ULK2: variants seen among roughly 807,000 people sequenced by gnomAD.
The protein encoded by ULK2 is serine/threonine-protein kinase ULK2.
Under a neutral mutation model 127.5 loss-of-function variants are expected in ULK2, and 76 were observed. The ratio of observed to expected loss-of-function variants is 0.60; its 90% CI spans 0.50 to 0.72. The LOEUF (loss-of-function observed/expected upper bound fraction) is 0.72, where lower values mean the gene tolerates loss of function less well. Among genes scored for constraint, ULK2 ranks in the 30% least tolerant of loss-of-function variants. The probability of loss-of-function intolerance (pLI) is 0.00; values close to 1 mark genes in which losing one functional copy is unlikely to be tolerated. For synonymous variants in ULK2, 452 were observed against 461.9 expected (o/e 0.98, Z 0.28); for missense variants, 1,144 against 1,295.9 (o/e 0.88, Z 1.80).
chr17:19,860,471 T>C (rs1406031874), intron 3 of ULK2, among the ~76,000 whole-genome samples: 3 of 152,086 alleles, frequency 2.0e-5, no homozygotes, highest in African/African-American at 7.2e-5. Context: ...TATAAAGTAT[T>C]AGGTCAAAAC....
At chr17:19,781,207 T>C (rs866343913) in intron 23 of ULK2, 103 bp from the exon 24 acceptor site, 63 of 780,142 alleles carry the variant, frequency 8.1e-5, no homozygotes, top group Middle Eastern at 5.2e-4. Context: ...TATAAAGGAA[T>C]AGCATCCTCT....
Position 19,777,644 on chromosome 17 carries a change from G to A in ULK2, c.2989C>T (p.Leu997Phe), listed in dbSNP as rs1462334301. 2 of 1,613,980 alleles carry A rather than the reference G, an allele frequency of 1.2e-6. No individual in the cohort carries two copies. The highest frequency in any genetic ancestry group is 1.3e-5 in the African/African-American group (1 of 74,928). ...DIVYRYHKAA[L>F]LLEGLSRILQ... ...ATCCTACTTAGGCCTTCCAAAAGAA[G>A]GGCTGCCTTATGATAGCGATAAACA... is the stretch of plus-strand genomic sequence containing the variant. Residue 997 changes from leucine to phenylalanine, a missense_variant, in exon 26 of 27, where the codon CTT becomes TTT. This residue lies in a region of ULK2 where 913 missense variants were observed against 970.5 expected (regional missense o/e 0.94). Coordinates refer to ENST00000395544, the MANE Select transcript of ULK2 (RefSeq NM_014683.4).
intron 18 of ULK2, among the ~76,000 whole-genome samples, 158 bp downstream of exon 18, chr17:19,797,238 G>A (rs1326688544): frequency 1.3e-5 from 2 of 152,118 alleles, no homozygotes; most frequent in Admixed American, 1.3e-4. Flanking sequence ...TGGAGGTTGT[G>A]ATGAGCTGAG....
chr17:19,816,651 G>T, intron 13 of ULK2, 98 bp downstream of exon 13: 1 of 1,052,666 alleles, frequency 9.5e-7, no homozygotes, highest in Non-Finnish European at 1.3e-6. Flanking sequence ...CATTTGAAAA[G>T]GTGCCCTACA....
In ULK2 at chr17:19,799,579, CAAAAAAA is replaced by C. The variant is rs11456096; in HGVS notation, c.1442-11_1442-5del. 12 of 1,194,534 alleles carry C rather than the reference CAAAAAAA, an allele frequency of 1.0e-5. No homozygotes were observed. The highest frequency in any genetic ancestry group is 4.6e-5 in the South Asian group (2 of 43,728). The allele number at this position is 1,194,534 out of a possible 1,614,324, so 74.0% of individuals were successfully genotyped here. A position where few individuals can be genotyped will look rare whatever the true frequency, so the allele number is the denominator to read the frequency against. ...AATTGCTCAGGAATGGTACCAACTA[CAAAAAAA>C]AAAAAAAAAAAGATGGGGAAAGGAA... On this transcript the variant is annotated splice_region_variant and splice_polypyrimidine_tract_variant and intron_variant, in intron 16 of 26. Transcript: ENST00000395544.
rs28606410 is a variant in ULK2 at position 19,804,112 on chromosome 17, G to T, written c.1295+581C>A. ...AATAACCTATGCTTGGCCAGGCGTG[G>T]TGGCTCATGCCTGTAATCCCAGCAC... On this transcript the variant is annotated intron_variant, in intron 15 of 26. Coordinates refer to ENST00000395544, the MANE Select transcript of ULK2 (RefSeq NM_014683.4). Among the ~76,000 whole-genome samples the T allele has an allele frequency of 6.2e-3, 940 of 152,140 alleles. 10 individuals carry two copies. The highest frequency in any genetic ancestry group is 0.021 in the African/African-American group (869 of 41,484).
chr17:19,840,568 TA>T (rs201662392), intron 9 of ULK2: 21,752 of 182,970 alleles, frequency 0.12, 87 homozygotes, highest in South Asian at 0.23. Context: ...ATTAATCATT[TA>T]AAAAAAAAAA....
intron 10 of ULK2, among the ~76,000 whole-genome samples, chr17:19,826,873 C>G (rs1266296265): frequency 6.6e-6 from 1 of 151,430 alleles, no homozygotes; most frequent in Admixed American, 6.6e-5. Flanking sequence ...AGGAGAATGG[C>G]GTGAACCCGG....
chr17:19,830,288 C>G (rs747833017), intron 10 of ULK2, among the ~76,000 whole-genome samples: 2 of 152,096 alleles, frequency 1.3e-5, no homozygotes, highest in African/African-American at 4.8e-5. Flanking sequence ...CAGCATCAAA[C>G]TCCTGGGCTG....
At chr17:19,833,537 C>T (rs748766755) in intron 10 of ULK2, among the ~76,000 whole-genome samples, 18 of 151,814 alleles carry the variant, frequency 1.2e-4, no homozygotes, top group Non-Finnish European at 1.6e-4. Context: ...GGTGAAACCC[C>T]GACTCTATTA....
In ULK2 at chr17:19,772,555, T is replaced by C. The variant is rs1383470540; in HGVS notation, c.*3794A>G. 1 of 152,162 alleles carries C rather than the reference T, an allele frequency of 6.6e-6. No homozygotes were observed. Among genetic ancestry groups the C allele is most frequent in the African/African-American group, 2.4e-5 (1 of 41,444 alleles). The allele number at this position is 152,162 out of a possible 1,614,324, so 9.4% of individuals were successfully genotyped here. On this transcript the variant is annotated 3_prime_UTR_variant, in exon 27 of 27. Coordinates refer to ENST00000395544, the MANE Select transcript of ULK2 (RefSeq NM_014683.4). ...GCAGTAGCTACTGCCTGCCAAATAA[T>C]CCTCCTTGAGAAATACTGATCAATC...
In ULK2 at chr17:19,867,645, C is replaced by T; in HGVS notation, c.-228G>A. 1 of 253,992 alleles carries T rather than the reference C, an allele frequency of 3.9e-6. No homozygotes were observed. Among genetic ancestry groups the T allele is most frequent in the Non-Finnish European group, 7.4e-6 (1 of 135,490 alleles). The allele number at this position is 253,992 out of a possible 1,614,324, so 15.7% of individuals were successfully genotyped here. ...CCGGCCCGGCCCCTGCCGCTCATGG[C>T]CCGGCCTGCCGCCGGCCGCTGGCTG... On this transcript the variant is annotated 5_prime_UTR_variant, in exon 1 of 27. Coordinates refer to ENST00000395544, the MANE Select transcript of ULK2 (RefSeq NM_014683.4).
Position 19,841,676 on chromosome 17 carries a change from CAGGAAAGGA to C in ULK2, c.646-138_646-130del, listed in dbSNP as rs1425772109. On this transcript the variant is annotated intron_variant, in intron 8 of 26. Transcript: ENST00000395544. ...GGAGTTTCAAGGAAGGGACTGCTGACAGGAAAGGAGGGAAAGTATGAGGGAGGAGGAAAG... is the reference window on the plus strand; with the variant it reads ...GGAGTTTCAAGGAAGGGACTGCTGACGGGAAAGTATGAGGGAGGAGGAAAG... 11 of 624,916 alleles carry C rather than the reference CAGGAAAGGA, an allele frequency of 1.8e-5. No homozygotes were observed. In the African/African-American group the frequency reaches 2.1e-4, roughly 12 times the overall value. The allele number at this position is 624,916 out of a possible 1,614,324, so 38.7% of individuals were successfully genotyped here.
In ULK2 at chr17:19,851,326, CAAAA is replaced by C. The variant is rs554643908; in HGVS notation, c.226-1556_226-1553del. On this transcript the variant is annotated intron_variant, in intron 3 of 26. Transcript: ENST00000395544. ...TGGGCAACAGAGTGAGACTTCCCCT[CAAAA>C]AAAAAAAAAAAAAAAAAAAAAATTA... Among the ~76,000 whole-genome samples the C allele has an allele frequency of 9.1e-3, 373 of 41,030 alleles. 10 individuals carry two copies. The East Asian group carries it at 0.097, about 11-fold the overall frequency. 26.9% of individuals were successfully genotyped at this position (41,030 alleles called of 152,430 possible).
chr17:19,797,832 C>T (rs2087308339), intron 17 of ULK2, 150 bp from the exon 18 acceptor site: 2 of 804,488 alleles, frequency 2.5e-6, no homozygotes, highest in African/African-American at 1.8e-5. Flanking sequence ...TGGCAAGAGA[C>T]TATTTTTCTG....
At position 19,817,003 on chromosome 17, in the gene ULK2, T is replaced by A; in HGVS notation, c.925-83A>T. 4 of 1,342,892 alleles carry A rather than the reference T, an allele frequency of 3.0e-6. No homozygotes were observed. In the South Asian group the frequency reaches 4.8e-5, roughly 16 times the overall value. 83.2% of individuals were successfully genotyped at this position (1,342,892 alleles called of 1,614,324 possible). ...GTGACTAGACTAAGGAATTTTTTTT[T>A]TTCCCCCACAAAAGTGGGCATGAAG... is the stretch of plus-strand genomic sequence containing the variant. On this transcript the variant is annotated intron_variant, in intron 12 of 26. Transcript: ENST00000395544.
intron 3 of ULK2, among the ~76,000 whole-genome samples, chr17:19,852,575 A>G (rs1013269767): frequency 1.3e-5 from 2 of 151,350 alleles, no homozygotes; most frequent in Non-Finnish European, 2.9e-5. Context: ...TAGGCTATTT[A>G]AAGTGTTTTT....
intron 14 of ULK2, among the ~76,000 whole-genome samples, chr17:19,806,412 A>G (rs1417618404): frequency 1.3e-5 from 2 of 152,184 alleles, no homozygotes; most frequent in African/African-American, 4.8e-5. Flanking sequence ...TACCCAAAGA[A>G]GTAAACTTAG....
chr17:19,863,428 T>C (rs765401289), intron 3 of ULK2, among the ~76,000 whole-genome samples: 2 of 151,704 alleles, frequency 1.3e-5, no homozygotes, highest in Non-Finnish European at 2.9e-5. Context: ...CAGAATCTGC[T>C]ATTCCCTCTG....
Sources: allele counts gnomAD v4.1 joint callset (sites outside exome capture counted in the v4.1 genomes callset), GRCh38; gene constraint gnomAD v4.1.1; regional missense constraint gnomAD v4.1.1; transcripts MANE v1.5; gene names NCBI Gene and HGNC (gene_info 2026-07-23, HGNC 2026-07-21).